DPP10: variants seen among roughly 807,000 people sequenced by gnomAD.
DPP10 encodes inactive dipeptidyl peptidase 10.
In DPP10, 33 loss-of-function variants were observed where a neutral mutation model predicts 120.9. The observed-to-expected ratio is 0.27, with a 90% CI of 0.21 to 0.37. The LOEUF is 0.37. Ranked by LOEUF, DPP10 falls within the 10% of genes least tolerant of loss-of-function variation. The pLI is 1.00. For synonymous variants in DPP10, 337 were observed against 326.1 expected (o/e 1.03, Z -0.36); for missense variants, 816 against 942.8 (o/e 0.87, Z 1.76).
intron 1 of DPP10, chr2:115,162,159 C>A: frequency 1.3e-6 from 2 of 1,541,870 alleles, no homozygotes; most frequent in Non-Finnish European, 1.7e-6. Context: ...CGCCCCAGTT[C>A]CAGGCTCTCC....
chr2:114,567,405 G>A (rs879269703), intron 1 of DPP10, among the ~76,000 whole-genome samples: 1 of 152,040 alleles, frequency 6.6e-6, no homozygotes, highest in Non-Finnish European at 1.5e-5. Context: ...AGTTATTCTG[G>A]TGGGACTGAT....
intron 1 of DPP10, among the ~76,000 whole-genome samples, chr2:114,470,881 A>G (rs141396061): frequency 4.4e-4 from 67 of 152,274 alleles, no homozygotes; most frequent in African/African-American, 1.6e-3. Context: ...ACATCATCTC[A>G]CCAACTATGC....
chr2:115,254,057 C>T (rs1347843849), intron 1 of DPP10, among the ~76,000 whole-genome samples: 4 of 151,926 alleles, frequency 2.6e-5, no homozygotes, highest in African/African-American at 2.4e-5. Context: ...ACTCTGCATG[C>T]CTGCACGCTT....
intron 1 of DPP10, among the ~76,000 whole-genome samples, chr2:114,493,155 A>G (rs957443844): frequency 6.6e-6 from 1 of 152,218 alleles, no homozygotes; most frequent in African/African-American, 2.4e-5. Context: ...ACAGGAATGC[A>G]CAGTGGCAGC....
intron 1 of DPP10, among the ~76,000 whole-genome samples, chr2:115,017,743 C>T (rs1398262960): frequency 6.6e-6 from 1 of 151,806 alleles, no homozygotes; most frequent in Non-Finnish European, 1.5e-5. Context: ...TCTCAGCAAA[C>T]TATCGCAAGG....
chr2:115,430,295 A>T (rs577582475), intron 3 of DPP10, among the ~76,000 whole-genome samples: 1 of 152,188 alleles, frequency 6.6e-6, no homozygotes, highest in Non-Finnish European at 1.5e-5. Context: ...TAAGATTGCT[A>T]CAATGCTGCC....
At chr2:114,978,935 C>T (rs1249272029) in intron 1 of DPP10, among the ~76,000 whole-genome samples, 3 of 152,046 alleles carry the variant, frequency 2.0e-5, no homozygotes, top group Non-Finnish European at 4.4e-5. Flanking sequence ...CCATGCTGGA[C>T]CGTATAATTC....
chr2:114,916,501 C>T (rs868081493), intron 1 of DPP10, among the ~76,000 whole-genome samples: 1 of 152,028 alleles, frequency 6.6e-6, no homozygotes, highest in South Asian at 2.1e-4. Flanking sequence ...GTACCAAAAC[C>T]TGACACAGAC....
chr2:115,214,730 C>T (rs1413276603), intron 1 of DPP10, among the ~76,000 whole-genome samples: 1 of 152,148 alleles, frequency 6.6e-6, no homozygotes, highest in Non-Finnish European at 1.5e-5. Context: ...ACTTTTGTCT[C>T]TAAGGAATGT....
intron 1 of DPP10, among the ~76,000 whole-genome samples, chr2:114,474,967 G>A (rs770256967): frequency 3.9e-5 from 6 of 152,178 alleles, no homozygotes; most frequent in Admixed American, 1.3e-4. Context: ...CATGCATGGC[G>A]CAGGGGCTTC....
At chr2:114,767,207 C>CAAAAAAACAA (rs1680798103) in intron 1 of DPP10, among the ~76,000 whole-genome samples, 1 of 33,060 alleles carries the variant, frequency 3.0e-5, no homozygotes, top group Non-Finnish European at 5.0e-5. Context: ...AGGATAAAAG[C>CAAAAAAACAA]AAAAAAAAAA....
intron 3 of DPP10, among the ~76,000 whole-genome samples, chr2:115,403,108 C>G (rs894765650): frequency 3.3e-5 from 5 of 150,550 alleles, no homozygotes; most frequent in African/African-American, 1.2e-4. Flanking sequence ...AAAGATGGTT[C>G]AAAATATGCA....
chr2:115,485,045 G>A (rs2105300969), intron 3 of DPP10, among the ~76,000 whole-genome samples: 1 of 152,012 alleles, frequency 6.6e-6, no homozygotes, highest in East Asian at 1.9e-4. Context: ...TACTCCAGCT[G>A]GGCAACAGAG....
intron 1 of DPP10, among the ~76,000 whole-genome samples, chr2:114,690,851 T>C (rs990678518): frequency 1.3e-5 from 2 of 152,070 alleles, no homozygotes; most frequent in Non-Finnish European, 2.9e-5. Flanking sequence ...AGTTCATTCA[T>C]GATTTGGCTC....
At chr2:114,660,286 G>GA (rs1310349265) in intron 1 of DPP10, among the ~76,000 whole-genome samples, 15 of 151,998 alleles carry the variant, frequency 9.9e-5, no homozygotes, top group East Asian at 9.7e-4. Flanking sequence ...ATATTAGCTG[G>GA]AAAAAAAATT....
rs1187577487 is a variant in DPP10, at chr2:115,273,379, T to C, written c.61-35860T>C. Among the ~76,000 whole-genome samples the C allele has an allele frequency of 5.3e-5, 8 of 152,266 alleles. No individual in the cohort carries two copies. The East Asian group carries it at 1.5e-3, about 29-fold the overall frequency. ...TTTGTTTTGACCGAGTCTCCCTCTG[T>C]GGCCCAGGCTGGAGTGCAGTGATCT... On this transcript the variant is annotated intron_variant, in intron 1 of 25. Coordinates refer to ENST00000410059, the MANE Select transcript of DPP10 (RefSeq NM_020868.6).
chr2:114,593,898 C>T (rs1691667149), intron 1 of DPP10, among the ~76,000 whole-genome samples: 1 of 152,144 alleles, frequency 6.6e-6, no homozygotes, highest in Non-Finnish European at 1.5e-5. Flanking sequence ...TGCCTCACTG[C>T]TGTTTGCTGC....
intron 1 of DPP10, among the ~76,000 whole-genome samples, chr2:114,677,428 G>A (rs919500469): frequency 3.3e-5 from 5 of 152,038 alleles, no homozygotes; most frequent in African/African-American, 1.2e-4. Context: ...CTCATTACTG[G>A]GGGGCTGAAA....
chr2:114,526,383 A>G lies in DPP10; in HGVS notation c.60+83545A>G, dbSNP rs146001009. Among the ~76,000 whole-genome samples the G allele has an allele frequency of 3.3e-4, 50 of 152,308 alleles. No individual in the cohort carries two copies. The East Asian group carries it at 8.7e-3, about 26-fold the overall frequency. ...GCATAAATTTTCTTTGTACTTTTAT[A>G]TAATCTTGTTTCTCATTTTACAATA... On this transcript the variant is annotated intron_variant, in intron 1 of 25. Coordinates refer to ENST00000410059, the MANE Select transcript of DPP10 (RefSeq NM_020868.6).
Sources: gnomAD v4.1 joint callset for allele counts (sites outside exome capture counted in the v4.1 genomes callset) on GRCh38, gnomAD v4.1.1 for gene constraint, MANE v1.5 for transcripts, NCBI Gene and HGNC (gene_info 2026-07-23, HGNC 2026-07-21) for gene names.